Variants in PTPRM observed in about 807,000 individuals in gnomAD.
PTPRM encodes the protein receptor-type tyrosine-protein phosphatase mu.
PTPRM carries 47 observed loss-of-function variants against 186.7 expected under a neutral mutation model. The ratio of observed to expected loss-of-function variants is 0.25; its 90% CI spans 0.20 to 0.32. The LOEUF is 0.32. Among genes scored for constraint, PTPRM ranks in the 10% least tolerant of loss-of-function variants. PTPRM has a pLI of 1.00. For synonymous variants in PTPRM, 668 were observed against 674.9 expected (o/e 0.99, Z 0.16); for missense variants, 1,494 against 1,865.0 (o/e 0.80, Z 3.66).
intron 19 of PTPRM, among the ~76,000 whole-genome samples, chr18:8,284,349 G>C (rs1376073640): frequency 6.6e-6 from 1 of 152,094 alleles, no homozygotes; most frequent in East Asian, 1.9e-4. Flanking sequence ...TTGAACTGGG[G>C]CCAGCTCTTC....
At chr18:7,683,189 G>A (rs1385706445) in intron 1 of PTPRM, among the ~76,000 whole-genome samples, 1 of 138,034 alleles carries the variant, frequency 7.2e-6, no homozygotes, top group Non-Finnish European at 1.5e-5. Context: ...TTTTTGAGAT[G>A]GGGTCTTGCT....
At chr18:7,960,480 T>TATATACAC (rs1300573371) in intron 7 of PTPRM, among the ~76,000 whole-genome samples, 76 of 86,578 alleles carry the variant, frequency 8.8e-4, no homozygotes, top group African/African-American at 3.2e-3. Context: ...TATATATATA[T>TATATACAC]ACACACACAC....
chr18:8,263,608 C>T (rs1171555294), intron 19 of PTPRM, among the ~76,000 whole-genome samples: 1 of 152,146 alleles, frequency 6.6e-6, no homozygotes, highest in Non-Finnish European at 1.5e-5. Flanking sequence ...CTTAGCTAGC[C>T]TCAGGATGGG....
chr18:7,785,603 C>A (rs2043063830), intron 2 of PTPRM, among the ~76,000 whole-genome samples: 1 of 152,186 alleles, frequency 6.6e-6, no homozygotes, highest in Non-Finnish European at 1.5e-5. Context: ...TTGAGGTACA[C>A]CGACTTCGTG....
At chr18:8,375,099 A>G (rs1423951717) in intron 24 of PTPRM, among the ~76,000 whole-genome samples, 1 of 152,246 alleles carries the variant, frequency 6.6e-6, no homozygotes, top group Non-Finnish European at 1.5e-5. Flanking sequence ...ATAGGCTTAT[A>G]CTTAGAAAAC....
intron 2 of PTPRM, among the ~76,000 whole-genome samples, chr18:7,882,322 A>T (rs566646075): frequency 1.3e-5 from 2 of 152,208 alleles, no homozygotes; most frequent in Admixed American, 6.5e-5. Flanking sequence ...TTTTTTTTAA[A>T]AAAACAACAA....
chr18:7,634,968 A>G (rs2038278395), intron 1 of PTPRM, among the ~76,000 whole-genome samples: 1 of 152,344 alleles, frequency 6.6e-6, no homozygotes, highest in African/African-American at 2.4e-5. Flanking sequence ...TGTATCACAC[A>G]GGCATATCTT....
intron 1 of PTPRM, among the ~76,000 whole-genome samples, chr18:7,679,724 A>G (rs1169644689): frequency 6.6e-6 from 1 of 152,138 alleles, no homozygotes; most frequent in Non-Finnish European, 1.5e-5. Context: ...AGAGATCTAT[A>G]TGTAAAATTT....
Position 7,568,105 on chromosome 18 carries a change from G to C in PTPRM, c.73+214G>C, listed in dbSNP as rs942946110. Reference sequence around the variant, plus strand: ...CAGTCCTCGGGCGGGCGGAGCGGACGGACCCCGAGGGCGAGCTCCCCAGCC... The same window carrying C: ...CAGTCCTCGGGCGGGCGGAGCGGACCGACCCCGAGGGCGAGCTCCCCAGCC... On this transcript the variant is annotated intron_variant, in intron 1 of 32. Transcript: ENST00000580170. This position sits in a 1 kb window ranked among gnomAD's most constrained non-coding sequence, Gnocchi z 5.1. 4.6e-5 allele frequency among the ~76,000 whole-genome samples: 7 copies of C among 151,928 alleles called. No homozygotes were observed. The highest frequency in any genetic ancestry group is 1.7e-4 in the African/African-American group (7 of 41,426).
chr18:8,235,436 A>G (rs1280945492), intron 14 of PTPRM, among the ~76,000 whole-genome samples: 4 of 145,826 alleles, frequency 2.7e-5, no homozygotes, highest in African/African-American at 2.5e-5. Context: ...TTCATTTCTA[A>G]TATGAGTAAT....
At chr18:8,201,422 T>C (rs941857727) in intron 14 of PTPRM, among the ~76,000 whole-genome samples, 1 of 152,272 alleles carries the variant, frequency 6.6e-6, no homozygotes. Context: ...AATATGTGAA[T>C]GGCTCATTAG....
At chr18:7,792,028 C>T (rs1228061027) in intron 2 of PTPRM, among the ~76,000 whole-genome samples, 3 of 152,136 alleles carry the variant, frequency 2.0e-5, no homozygotes, top group African/African-American at 7.2e-5. Flanking sequence ...TATATTGCTA[C>T]TTAATTCAGT....
intron 7 of PTPRM, among the ~76,000 whole-genome samples, chr18:8,066,196 AT>A (rs2089060399): frequency 6.6e-6 from 1 of 152,220 alleles, no homozygotes; most frequent in South Asian, 2.1e-4. Context: ...TAGTATGAGA[AT>A]TGTAAAAGAA....
chr18:7,826,824 C>T (rs1029808603), intron 2 of PTPRM, among the ~76,000 whole-genome samples: 5 of 152,232 alleles, frequency 3.3e-5, no homozygotes, highest in South Asian at 4.2e-4. Context: ...CTAGATGCAG[C>T]GGCTCATGCC....
chr18:7,775,772 C>A (rs2042552741), intron 2 of PTPRM, among the ~76,000 whole-genome samples: 1 of 152,172 alleles, frequency 6.6e-6, no homozygotes, highest in African/African-American at 2.4e-5. Context: ...TTGAAAAAAT[C>A]AGCTTTTAAA....
Position 7,996,718 on chromosome 18 carries a change from A to G in PTPRM, c.1132+41304A>G, listed in dbSNP as rs1473096752. Among the ~76,000 whole-genome samples, 3 of 152,154 alleles carry G rather than the reference A, an allele frequency of 2.0e-5. No individual in the cohort carries two copies. The East Asian group carries it at 5.8e-4, about 29-fold the overall frequency. On this transcript the variant is annotated intron_variant, in intron 7 of 32. Coordinates refer to ENST00000580170, the MANE Select transcript of PTPRM (RefSeq NM_001105244.2). ...GCAGGGTACAATATCAACATAACAA[A>G]AGTCGGTAGCATTTCTATACCTAAA... is the stretch of plus-strand genomic sequence containing the variant.
chr18:8,270,377 TATC>T (rs909032644), intron 19 of PTPRM: 11 of 152,200 alleles, frequency 7.2e-5, no homozygotes, highest in African/African-American at 2.4e-4. Context: ...CACAATGAGA[TATC>T]ACCTCACACC....
chr18:7,710,793 A>T (rs972341811), intron 1 of PTPRM, among the ~76,000 whole-genome samples: 1 of 151,822 alleles, frequency 6.6e-6, no homozygotes, highest in East Asian at 1.9e-4. Context: ...AATCCCTTTT[A>T]CAGCAGCTAC....
At chr18:7,878,192 C>A (rs1014749896) in intron 2 of PTPRM, among the ~76,000 whole-genome samples, 1 of 152,154 alleles carries the variant, frequency 6.6e-6, no homozygotes, top group East Asian at 1.9e-4. Context: ...ATTGCTTTTT[C>A]ATATTATTTG....
Sources: allele counts gnomAD v4.1 joint callset (sites outside exome capture counted in the v4.1 genomes callset), GRCh38; gene constraint gnomAD v4.1.1; non-coding constraint Gnocchi (gnomAD v3.1); transcripts MANE v1.5; gene names NCBI Gene and HGNC (gene_info 2026-07-23, HGNC 2026-07-21).